CWC27: variants seen among roughly 807,000 people sequenced by gnomAD.
The protein encoded by CWC27 is spliceosome-associated protein CWC27 homolog.
Under a neutral mutation model 63.6 loss-of-function variants are expected in CWC27, and 47 were observed. The observed-to-expected ratio is 0.74, with a 90% CI of 0.58 to 0.94. The LOEUF is 0.94. Ranked by LOEUF, CWC27 falls within the 40% of genes least tolerant of loss-of-function variation. CWC27 has a pLI of 0.00. For missense variants in CWC27, 495 were observed against 554.3 expected, an observed-to-expected ratio of 0.89 and a Z score of 1.07; for synonymous variants, 175 against 179.8, an observed-to-expected ratio of 0.97 and a Z score of 0.22.
At chr5:64,772,688 A>T (rs1026811157) in intron 1 of CWC27, among the ~76,000 whole-genome samples, 2 of 147,730 alleles carry the variant, frequency 1.4e-5, no homozygotes, top group Admixed American at 6.9e-5. Context: ...CTGTAATCCC[A>T]GCACTTTGGG....
At chr5:64,791,978 T>C (rs1310141365) in intron 7 of CWC27, among the ~76,000 whole-genome samples, 1 of 152,140 alleles carries the variant, frequency 6.6e-6, no homozygotes, top group African/African-American at 2.4e-5. Context: ...ATCTCTAGAC[T>C]GGACTGGTGT....
chr5:64,967,393 C>G (rs182592243), intron 11 of CWC27, among the ~76,000 whole-genome samples: 2 of 152,084 alleles, frequency 1.3e-5, no homozygotes, highest in East Asian at 3.9e-4. Context: ...TGTCAAAATC[C>G]TACCTGACTT....
chr5:64,828,582 C>T (rs1745430216), intron 10 of CWC27, among the ~76,000 whole-genome samples: 1 of 151,828 alleles, frequency 6.6e-6, no homozygotes, highest in South Asian at 2.1e-4. Context: ...CTCTCTTGGG[C>T]CTCTTTTATA....
chr5:64,769,759 A>C (rs1175369945), intron 1 of CWC27, among the ~76,000 whole-genome samples: 2 of 152,210 alleles, frequency 1.3e-5, no homozygotes, highest in South Asian at 2.1e-4. Context: ...GAAGTTAGGA[A>C]AAGCCTCATG....
chr5:65,009,115 CA>C (rs1749900790), intron 13 of CWC27, among the ~76,000 whole-genome samples: 1 of 152,030 alleles, frequency 6.6e-6, no homozygotes, highest in African/African-American at 2.4e-5. Context: ...TGGTAGAAGG[CA>C]AAGGGGAGGT....
chr5:64,949,666 C>G (rs1195196328), intron 11 of CWC27, among the ~76,000 whole-genome samples: 1 of 152,022 alleles, frequency 6.6e-6, no homozygotes, highest in African/African-American at 2.4e-5. Context: ...TCATCTTTCA[C>G]TATGGATCCC....
intron 11 of CWC27, among the ~76,000 whole-genome samples, chr5:64,960,415 A>G (rs1190287992): frequency 6.6e-6 from 1 of 152,154 alleles, no homozygotes; most frequent in African/African-American, 2.4e-5. Flanking sequence ...AGAAGATTAA[A>G]CAAGTAACTC....
At chr5:64,996,054 G>A (rs1252508048) in intron 13 of CWC27, among the ~76,000 whole-genome samples, 2 of 152,166 alleles carry the variant, frequency 1.3e-5, no homozygotes, top group African/African-American at 4.8e-5. Flanking sequence ...AAAAAGGAGT[G>A]AAATCTAGCA....
At chr5:64,974,304 T>TA (rs1161788458) in intron 12 of CWC27, among the ~76,000 whole-genome samples, 3 of 151,974 alleles carry the variant, frequency 2.0e-5, no homozygotes, top group Non-Finnish European at 4.4e-5. Context: ...ACACTGCTGA[T>TA]AAAAACATAC....
At chr5:64,771,882 C>T (rs557914775) in intron 1 of CWC27, among the ~76,000 whole-genome samples, 8 of 152,164 alleles carry the variant, frequency 5.3e-5, no homozygotes, top group South Asian at 2.1e-4. Context: ...AGCAAAGTGG[C>T]CCGATTATAT....
At chr5:64,842,505 T>C (rs1421460413) in intron 10 of CWC27, among the ~76,000 whole-genome samples, 1 of 152,124 alleles carries the variant, frequency 6.6e-6, no homozygotes, top group African/African-American at 2.4e-5. Flanking sequence ...GATTTCACCA[T>C]GTTAGCCAGG....
chr5:64,788,011 G>T (rs1743944154), intron 6 of CWC27, among the ~76,000 whole-genome samples: 1 of 152,034 alleles, frequency 6.6e-6, no homozygotes. Context: ...CAAATACAAA[G>T]TTAAATTGTT....
intron 10 of CWC27, among the ~76,000 whole-genome samples, chr5:64,874,467 G>T (rs950404426): frequency 4.0e-5 from 6 of 150,826 alleles, no homozygotes; most frequent in African/African-American, 1.5e-4. Context: ...CCCAGCCGAT[G>T]CTTTTTTTTG....
intron 10 of CWC27, among the ~76,000 whole-genome samples, chr5:64,849,230 C>CAA (rs139344029): frequency 1.8e-4 from 24 of 132,824 alleles, no homozygotes; most frequent in African/African-American, 5.9e-4. Flanking sequence ...CAATAGCTAC[C>CAA]AAAAAAAAAA....
intron 11 of CWC27, among the ~76,000 whole-genome samples, chr5:64,962,975 GAGAC>G (rs1377653967): frequency 2.0e-5 from 3 of 152,172 alleles, no homozygotes; most frequent in African/African-American, 7.2e-5. Flanking sequence ...TCTATTTTGT[GAGAC>G]AGAGTCTCTC....
intron 10 of CWC27, among the ~76,000 whole-genome samples, chr5:64,864,657 G>A (rs1746492390): frequency 6.6e-6 from 1 of 152,128 alleles, no homozygotes; most frequent in South Asian, 2.1e-4. Flanking sequence ...AGGATAAGTA[G>A]TATTTTTACT....
chr5:64,885,428 C>A lies in CWC27; in HGVS notation c.939-15C>A. 6 of 1,563,276 alleles carry A rather than the reference C, an allele frequency of 3.8e-6. No homozygotes were observed. The highest frequency in any genetic ancestry group is 5.2e-6 in the Non-Finnish European group (6 of 1,149,782). ...CAATATATTATATACTTATATAACTCTTTTTGCTTTATAGTGAAGAGCTCA... is the reference window on the plus strand; with the variant it reads ...CAATATATTATATACTTATATAACTATTTTTGCTTTATAGTGAAGAGCTCA... On this transcript the variant is annotated splice_polypyrimidine_tract_variant and intron_variant, in intron 10 of 13. Coordinates refer to ENST00000381070, the MANE Select transcript of CWC27 (RefSeq NM_005869.4).
chr5:64,867,127 C>T (rs1420181759), intron 10 of CWC27, among the ~76,000 whole-genome samples: 1 of 151,930 alleles, frequency 6.6e-6, no homozygotes, highest in African/African-American at 2.4e-5. Flanking sequence ...CTCCCAACAC[C>T]ATTGTGGATA....
intron 10 of CWC27, among the ~76,000 whole-genome samples, chr5:64,839,097 T>C (rs542717305): frequency 3.3e-5 from 5 of 152,340 alleles, no homozygotes; most frequent in African/African-American, 7.2e-5. Context: ...TCCTAACTTC[T>C]GTCTGGCATA....
Sources: gnomAD v4.1 joint callset for allele counts (sites outside exome capture counted in the v4.1 genomes callset) on GRCh38, gnomAD v4.1.1 for gene constraint, MANE v1.5 for transcripts, NCBI Gene and HGNC (gene_info 2026-07-23, HGNC 2026-07-21) for gene names.